The following AFG2A variants were observed in gnomAD, a reference collection of about 807,000 sequenced individuals.
AFG2A encodes the protein AAA ATPase AFG2A.
the AFG2A span, among the ~76,000 whole-genome samples, chr4:122,954,027 C>A: frequency 6.6e-6 from 1 of 152,168 alleles, no homozygotes. Flanking sequence ...CATGTTTCAT[C>A]CCTAATTTCC....
the AFG2A span, among the ~76,000 whole-genome samples, chr4:123,201,403 A>G: frequency 6.6e-6 from 1 of 152,214 alleles, no homozygotes; most frequent in African/African-American, 2.4e-5. Flanking sequence ...AACACCAATC[A>G]CTAGATGAAT....
chr4:122,983,512 A>G, the AFG2A span, among the ~76,000 whole-genome samples: 2 of 151,644 alleles, frequency 1.3e-5, no homozygotes, highest in African/African-American at 4.8e-5. Flanking sequence ...TTCTATTTCC[A>G]TTTGTCTTAA....
the AFG2A span, among the ~76,000 whole-genome samples, chr4:122,950,513 G>A: frequency 6.6e-6 from 1 of 152,016 alleles, no homozygotes; most frequent in Non-Finnish European, 1.5e-5. Context: ...CTAATTTTTT[G>A]TATTTTTAGT....
At chr4:122,925,254 CCAT>C in the AFG2A span, among the ~76,000 whole-genome samples, 1 of 152,182 alleles carries the variant, frequency 6.6e-6, no homozygotes, top group Non-Finnish European at 1.5e-5. Context: ...ATTTCAGACA[CCAT>C]CATCTCTCAC....
the AFG2A span, among the ~76,000 whole-genome samples, chr4:123,122,605 A>G: frequency 2.0e-5 from 3 of 152,184 alleles, no homozygotes; most frequent in Admixed American, 6.5e-5. Context: ...GGGACTGTTC[A>G]TTACTTTTGT....
chr4:123,283,097 C>A, the AFG2A span, among the ~76,000 whole-genome samples: 1 of 152,070 alleles, frequency 6.6e-6, no homozygotes, highest in Non-Finnish European at 1.5e-5. Flanking sequence ...TATGTTCCAC[C>A]AAGAAGTCTT....
the AFG2A span, among the ~76,000 whole-genome samples, chr4:123,302,426 G>T: frequency 2.6e-5 from 4 of 152,086 alleles, no homozygotes; most frequent in Non-Finnish European, 4.4e-5. Flanking sequence ...TGCCTGATAC[G>T]TTTTTGCCTT....
chr4:123,266,890 T>C, the AFG2A span, among the ~76,000 whole-genome samples: 1 of 152,002 alleles, frequency 6.6e-6, no homozygotes, highest in East Asian at 1.9e-4. Context: ...GGTTTCTGTG[T>C]CCACTAGAAT....
At chr4:122,951,702 A>G in the AFG2A span, among the ~76,000 whole-genome samples, 15 of 152,176 alleles carry the variant, frequency 9.9e-5, no homozygotes, top group Non-Finnish European at 1.3e-4. Context: ...ATTGGCTGCT[A>G]TGTCCTTGGC....
chr4:123,021,691 CATTTA>C, the AFG2A span, among the ~76,000 whole-genome samples: 1 of 152,166 alleles, frequency 6.6e-6, no homozygotes, highest in Non-Finnish European at 1.5e-5. Context: ...TAAGTCAGAT[CATTTA>C]ATTTATTTTA....
chr4:122,941,348 C>T, the AFG2A span, among the ~76,000 whole-genome samples: 1,300 of 151,542 alleles, frequency 8.6e-3, 6 homozygotes, highest in Non-Finnish European at 0.014. Context: ...AGGTCCTTCA[C>T]GTCCCTTGTA....
the AFG2A span, among the ~76,000 whole-genome samples, chr4:123,308,853 C>T: frequency 3.2e-4 from 49 of 152,284 alleles, no homozygotes; most frequent in Non-Finnish European, 5.9e-4. Context: ...ATAGCCAGAG[C>T]ACAAGTAAGT....
chr4:123,277,891 AT>A, the AFG2A span, among the ~76,000 whole-genome samples: 1 of 151,884 alleles, frequency 6.6e-6, no homozygotes, highest in Non-Finnish European at 1.5e-5. Flanking sequence ...TTTGTTGAGG[AT>A]TTTTGTATCG....
the AFG2A span, among the ~76,000 whole-genome samples, chr4:123,227,422 G>A: frequency 4.9e-4 from 75 of 152,096 alleles, no homozygotes; most frequent in African/African-American, 1.4e-3. Context: ...CTTTGTTCTC[G>A]TTGGTTTCAA....
the AFG2A span, among the ~76,000 whole-genome samples, chr4:123,290,436 C>T: frequency 0.057 from 8,701 of 152,194 alleles, 361 homozygotes; most frequent in Middle Eastern, 0.16. Flanking sequence ...TTCCCAGCAC[C>T]ATTTATTGAA....
chr4:123,238,008 C>G, the AFG2A span, among the ~76,000 whole-genome samples: 1 of 152,236 alleles, frequency 6.6e-6, no homozygotes, highest in African/African-American at 2.4e-5. Context: ...TAACAACTGG[C>G]AGACAAGGAG....
the AFG2A span, among the ~76,000 whole-genome samples, chr4:122,932,261 C>T: frequency 1.6e-4 from 24 of 149,656 alleles, no homozygotes; most frequent in African/African-American, 4.7e-4. Flanking sequence ...GGTGACAGAG[C>T]GAGACCTCAT....
At chr4:122,931,507 T>TAA in the AFG2A span, among the ~76,000 whole-genome samples, 12 of 152,234 alleles carry the variant, frequency 7.9e-5, no homozygotes, top group Admixed American at 4.6e-4. Context: ...TGTATATATA[T>TAA]AATATATATA....
At chr4:123,258,858 CT>C in the AFG2A span, among the ~76,000 whole-genome samples, 3,313 of 90,342 alleles carry the variant, frequency 0.037, 68 homozygotes, top group African/African-American at 0.14. Context: ...GATACTGGTA[CT>C]TTTTTTTTTT....
Sources: allele counts gnomAD v4.1 joint callset (sites outside exome capture counted in the v4.1 genomes callset), GRCh38; gene constraint gnomAD v4.1.1; transcripts MANE v1.5; gene names NCBI Gene and HGNC (gene_info 2026-07-23, HGNC 2026-07-21).